PDE12: variants seen among roughly 807,000 people sequenced by gnomAD.
PDE12 encodes 2',5'-phosphodiesterase 12.
A neutral mutation model predicts 45.4 loss-of-function variants in PDE12; 26 were observed. The observed-to-expected ratio is 0.57, with a 90% CI of 0.42 to 0.79. The LOEUF (loss-of-function observed/expected upper bound fraction) is 0.79, where lower values mean the gene tolerates loss of function less well. Among genes scored for constraint, PDE12 ranks in the 30% least tolerant of loss-of-function variants. The pLI, the probability that PDE12 is intolerant of heterozygous loss-of-function variation, is 0.00. For missense variants in PDE12, 668 were observed against 790.0 expected (o/e 0.85, Z 1.85); for synonymous variants, 283 against 323.9 (o/e 0.87, Z 1.36).
the PDE12 span, chr3:57,597,412 T>G: frequency 6.3e-6 from 2 of 315,970 alleles, no homozygotes; most frequent in Middle Eastern, 9.8e-4. Flanking sequence ...CCGCGGCGAC[T>G]CCAGCAGCGG....
the PDE12 span, among the ~76,000 whole-genome samples, chr3:57,599,830 G>A: frequency 6.7e-6 from 1 of 149,674 alleles, no homozygotes; most frequent in African/African-American, 2.5e-5. Context: ...CATTTCTTCT[G>A]GTATTAACTG....
At chr3:57,625,464 T>G in the PDE12 span, 1 of 152,580 alleles carries the variant, frequency 6.6e-6, no homozygotes, top group African/African-American at 2.4e-5. Flanking sequence ...TGCTTTAAAA[T>G]CCAAGGCCTT....
the PDE12 span, among the ~76,000 whole-genome samples, chr3:57,608,579 G>A: frequency 6.6e-6 from 1 of 151,740 alleles, no homozygotes; most frequent in Admixed American, 6.6e-5. Context: ...AAAGGCAGGG[G>A]TTGCAATCCT....
chr3:57,641,681 A>G, the PDE12 span: 3 of 1,612,740 alleles, frequency 1.9e-6, no homozygotes, highest in African/African-American at 4.0e-5. Context: ...CTATTCGAAT[A>G]ATGTGTGGCC....
chr3:57,633,294 C>T, the PDE12 span: 1 of 1,613,608 alleles, frequency 6.2e-7, no homozygotes, highest in Non-Finnish European at 8.5e-7. Context: ...TGTGTCAGTT[C>T]CAAAAAATAG....
the PDE12 span, among the ~76,000 whole-genome samples, chr3:57,647,752 G>A: frequency 3.3e-4 from 50 of 151,750 alleles, no homozygotes; most frequent in African/African-American, 1.2e-3. Context: ...GGCTTGACCT[G>A]GTGTTGAGAG....
chr3:57,614,529 T>TTTGTTTTG, the PDE12 span, among the ~76,000 whole-genome samples: 2 of 135,394 alleles, frequency 1.5e-5, no homozygotes, highest in Non-Finnish European at 3.1e-5. Context: ...ATCCGTTTTT[T>TTTGTTTTG]TTTTTTTGTT....
chr3:57,647,328 A>G, the PDE12 span, among the ~76,000 whole-genome samples: 1 of 152,180 alleles, frequency 6.6e-6, no homozygotes, highest in East Asian at 1.9e-4. Context: ...TGGGTAAGGC[A>G]AAGGAGCTCT....
At chr3:57,624,654 C>T in the PDE12 span, among the ~76,000 whole-genome samples, 1 of 151,484 alleles carries the variant, frequency 6.6e-6, no homozygotes. Context: ...ATCCCAGCTA[C>T]TTGAGAGGCC....
At chr3:57,626,765 A>G in the PDE12 span, 1 of 152,496 alleles carries the variant, frequency 6.6e-6, no homozygotes, top group African/African-American at 2.4e-5. Context: ...AAACCAAACA[A>G]CCCTACTCTA....
At chr3:57,627,115 A>G in the PDE12 span, 1 of 152,164 alleles carries the variant, frequency 6.6e-6, no homozygotes, top group Non-Finnish European at 1.5e-5. Context: ...TAGTTTAAAC[A>G]TTTAATAATA....
chr3:57,646,501 A>G, the PDE12 span: 7 of 1,523,286 alleles, frequency 4.6e-6, no homozygotes, highest in African/African-American at 8.4e-5. Context: ...TAAAATTCCT[A>G]CATAATCTTT....
At chr3:57,643,729 A>G in the PDE12 span, among the ~76,000 whole-genome samples, 1 of 150,586 alleles carries the variant, frequency 6.6e-6, no homozygotes, top group Non-Finnish European at 1.5e-5. Flanking sequence ...TGGGAGGCTG[A>G]GGTAGGAGAA....
chr3:57,630,955 C>T, the PDE12 span: 1 of 1,613,396 alleles, frequency 6.2e-7, no homozygotes, highest in Admixed American at 1.7e-5. Context: ...TCTGCAAAGG[C>T]ATCAAGCTTG....
chr3:57,573,575 T>G, the PDE12 span, among the ~76,000 whole-genome samples: 2 of 152,186 alleles, frequency 1.3e-5, no homozygotes, highest in African/African-American at 4.8e-5. Context: ...CTTGCTTATT[T>G]ATTGATTGAT....
At chr3:57,567,201 A>C (rs2069793819), downstream of PDE12, among the ~76,000 whole-genome samples, 1 of 152,086 alleles carries the variant, frequency 6.6e-6, no homozygotes. Flanking sequence ...AGTCCCAGCT[A>C]ATCCGGAGAC....
At chr3:57,618,245 T>G in the PDE12 span, among the ~76,000 whole-genome samples, 4 of 152,122 alleles carry the variant, frequency 2.6e-5, no homozygotes, top group Admixed American at 6.6e-5. Context: ...ACACAATATA[T>G]CCATGTAACA....
chr3:57,653,123 A>G, the PDE12 span, among the ~76,000 whole-genome samples: 1 of 152,232 alleles, frequency 6.6e-6, no homozygotes. Flanking sequence ...ATGGTTTGGG[A>G]AAAAAGTCTT....
downstream of PDE12, among the ~76,000 whole-genome samples, chr3:57,568,968 C>T (rs1223342846): frequency 6.6e-6 from 1 of 151,918 alleles, no homozygotes; most frequent in Non-Finnish European, 1.5e-5. Flanking sequence ...CACAATTTCT[C>T]TTCAGTTTCT....
Sources: gnomAD v4.1 joint callset for allele counts (sites outside exome capture counted in the v4.1 genomes callset) on GRCh38, gnomAD v4.1.1 for gene constraint, MANE v1.5 for transcripts, NCBI Gene and HGNC (gene_info 2026-07-23, HGNC 2026-07-21) for gene names.